The following SNX18 variants were observed in gnomAD, a reference collection of about 807,000 sequenced individuals.
The protein encoded by SNX18 is sorting nexin-18.
A neutral mutation model predicts 48.7 loss-of-function variants in SNX18; 35 were observed. That is an observed-to-expected ratio of 0.72 (90% CI 0.55 to 0.95). SNX18 has a LOEUF of 0.95. Among genes scored for constraint, SNX18 ranks in the 40% least tolerant of loss-of-function variants. SNX18 has a pLI of 0.00. For synonymous variants in SNX18, 492 were observed against 384.7 expected (o/e 1.28, Z -3.26); for missense variants, 824 against 871.0 (o/e 0.95, Z 0.68).
chr5:54,589,667 T>C, the SNX18 span, among the ~76,000 whole-genome samples: 1 of 152,150 alleles, frequency 6.6e-6, no homozygotes, highest in Non-Finnish European at 1.5e-5. Context: ...GGAAGAGAAG[T>C]CGTTTCCTTC....
At chr5:54,614,968 T>C in the SNX18 span, among the ~76,000 whole-genome samples, 3 of 152,124 alleles carry the variant, frequency 2.0e-5, no homozygotes, top group East Asian at 1.9e-4. Flanking sequence ...GATGAGGACA[T>C]TGAGGATCAG....
intron 1 of SNX18, among the ~76,000 whole-genome samples, chr5:54,527,758 T>G (rs1258972165): frequency 6.6e-6 from 1 of 152,228 alleles, no homozygotes; most frequent in Non-Finnish European, 1.5e-5. Flanking sequence ...AGCTGTTAAC[T>G]ACTGTTTTAT....
the SNX18 span, among the ~76,000 whole-genome samples, chr5:54,647,536 A>G: frequency 1.3e-5 from 2 of 152,244 alleles, no homozygotes; most frequent in Non-Finnish European, 1.5e-5. Flanking sequence ...TTTGGGAACT[A>G]TAAGCAGTTG....
chr5:54,624,249 A>G, the SNX18 span, among the ~76,000 whole-genome samples: 1 of 152,208 alleles, frequency 6.6e-6, no homozygotes, highest in East Asian at 1.9e-4. Context: ...GTGCTTAGTA[A>G]TAGTATCATG....
At chr5:54,620,152 G>A in the SNX18 span, among the ~76,000 whole-genome samples, 1 of 152,224 alleles carries the variant, frequency 6.6e-6, no homozygotes, top group Admixed American at 6.5e-5. Context: ...GGAAGCAGAT[G>A]TCACAGGCAA....
At chr5:54,557,562 T>A in the SNX18 span, among the ~76,000 whole-genome samples, 109,225 of 152,014 alleles carry the variant, frequency 0.72, 39,905 homozygotes, top group Non-Finnish European at 0.79. Flanking sequence ...ATGAGGTGCC[T>A]ACAGTAGTCA....
chr5:54,597,758 T>C, the SNX18 span, among the ~76,000 whole-genome samples: 1 of 152,184 alleles, frequency 6.6e-6, no homozygotes, highest in South Asian at 2.1e-4. Context: ...GGGAGATTTA[T>C]AGCACTAAAT....
the SNX18 span, among the ~76,000 whole-genome samples, chr5:54,585,712 C>A: frequency 6.6e-6 from 1 of 152,010 alleles, no homozygotes; most frequent in African/African-American, 2.4e-5. Context: ...GGCTTAAATA[C>A]TCCTTCCCCG....
chr5:54,617,712 T>C, the SNX18 span, among the ~76,000 whole-genome samples: 1 of 152,152 alleles, frequency 6.6e-6, no homozygotes, highest in South Asian at 2.1e-4. Context: ...ATCTCTCTTT[T>C]TTCCCCTCTC....
At chr5:54,539,615 T>C (rs1762427490) in intron 1 of SNX18, among the ~76,000 whole-genome samples, 1 of 152,096 alleles carries the variant, frequency 6.6e-6, no homozygotes, top group Non-Finnish European at 1.5e-5. Flanking sequence ...GTCAGGGTAG[T>C]GTGCCTGCCC....
intron 1 of SNX18, chr5:54,519,855 G>A (rs768067502): frequency 1.9e-6 from 3 of 1,558,810 alleles, no homozygotes; most frequent in Non-Finnish European, 2.6e-6. Flanking sequence ...GAATAGTTGA[G>A]TAATGAGCTG....
the SNX18 span, among the ~76,000 whole-genome samples, chr5:54,624,402 G>A: frequency 6.6e-6 from 1 of 152,174 alleles, no homozygotes; most frequent in Non-Finnish European, 1.5e-5. Context: ...CTAGTGATCA[G>A]ATATTTTACA....
At chr5:54,610,870 C>T in the SNX18 span, among the ~76,000 whole-genome samples, 1 of 152,144 alleles carries the variant, frequency 6.6e-6, no homozygotes, top group Non-Finnish European at 1.5e-5. Context: ...GACATTAGTC[C>T]TTGAGAAGTT....
At chr5:54,522,419 G>A (rs10050667) in intron 1 of SNX18, among the ~76,000 whole-genome samples, 3,706 of 152,274 alleles carry the variant, frequency 0.024, 164 homozygotes, top group African/African-American at 0.083. Context: ...ACAGTGCTGT[G>A]TTAAACTGCT....
At chr5:54,593,942 G>T in the SNX18 span, among the ~76,000 whole-genome samples, 3 of 152,274 alleles carry the variant, frequency 2.0e-5, no homozygotes, top group Middle Eastern at 3.4e-3. Context: ...GAAAAGATAA[G>T]AAATCCTTGT....
At chr5:54,572,726 TTG>T in the SNX18 span, among the ~76,000 whole-genome samples, 118 of 38,658 alleles carry the variant, frequency 3.1e-3, 1 homozygote, top group Non-Finnish European at 4.7e-3. Flanking sequence ...CTCCTCCAAA[TTG>T]TGTGTGTGTG....
In SNX18 at chr5:54,517,778, A is replaced by C. The variant is rs963360601; in HGVS notation, c.-175A>C. On this transcript the variant is annotated 5_prime_UTR_variant, in exon 1 of 2. Coordinates refer to ENST00000381410, the MANE Select transcript of SNX18 (RefSeq NM_001102575.2). ...CGCGGCAGTCGGCGCTGCGAAGTGG[A>C]GGCGCTGCGAGCGGAGCCGCGCGGA... 6.2e-6 allele frequency: 3 copies of C among 487,408 alleles called. No homozygotes were observed. The highest frequency in any genetic ancestry group is 2.0e-5 in the African/African-American group (1 of 49,226). 30.2% of individuals were successfully genotyped at this position (487,408 alleles called of 1,614,324 possible).
At chr5:54,547,880 A>G (rs1762598729), downstream of SNX18, among the ~76,000 whole-genome samples, 1 of 152,200 alleles carries the variant, frequency 6.6e-6, no homozygotes, top group South Asian at 2.1e-4. Flanking sequence ...CCACTTGGCC[A>G]CAGGTGGGAC....
chr5:54,575,316 A>G, the SNX18 span, among the ~76,000 whole-genome samples: 3 of 151,482 alleles, frequency 2.0e-5, no homozygotes, highest in African/African-American at 7.3e-5. Context: ...TCAGAATAAG[A>G]ATTATTTTGA....
Sources: gnomAD v4.1 joint callset for allele counts (sites outside exome capture counted in the v4.1 genomes callset) on GRCh38, gnomAD v4.1.1 for gene constraint, MANE v1.5 for transcripts, NCBI Gene and HGNC (gene_info 2026-07-23, HGNC 2026-07-21) for gene names.